The following FRMD3 variants were observed in gnomAD, a reference collection of about 807,000 sequenced individuals.
The protein encoded by FRMD3 is FERM domain containing 3, also known as FERM domain-containing protein 3.
Under a neutral mutation model 70.2 loss-of-function variants are expected in FRMD3, and 33 were observed. The ratio of observed to expected loss-of-function variants is 0.47; its 90% CI spans 0.36 to 0.63. The LOEUF (loss-of-function observed/expected upper bound fraction) is 0.63. Ranked by LOEUF, FRMD3 falls within the 20% of genes least tolerant of loss-of-function variation. The probability of loss-of-function intolerance (pLI) is 0.00; values close to 1 mark genes in which losing one functional copy is unlikely to be tolerated. For synonymous variants in FRMD3, 279 were observed against 255.9 expected (o/e 1.09, Z -0.86); for missense variants, 632 against 711.4 (o/e 0.89, Z 1.27).
At chr9:83,446,628 C>A (rs1454388392) in intron 1 of FRMD3, among the ~76,000 whole-genome samples, 10 of 118,278 alleles carry the variant, frequency 8.5e-5, no homozygotes, top group African/African-American at 3.4e-4. Context: ...GCCTGGGCGA[C>A]AGAGCAAGAC....
chr9:83,370,065 G>A (rs931915221), intron 3 of FRMD3, among the ~76,000 whole-genome samples: 4 of 152,086 alleles, frequency 2.6e-5, no homozygotes, highest in African/African-American at 4.8e-5. Context: ...ATCTTAATAG[G>A]GTCAGAGAGA....
the FRMD3 span, among the ~76,000 whole-genome samples, chr9:83,576,132 C>T: frequency 6.6e-6 from 1 of 151,912 alleles, no homozygotes; most frequent in Non-Finnish European, 1.5e-5. Context: ...CAGTTATAGA[C>T]AAAAAAATCC....
chr9:83,252,444 T>C (rs116584838), intron 13 of FRMD3, among the ~76,000 whole-genome samples: 7,041 of 152,296 alleles, frequency 0.046, 532 homozygotes, highest in African/African-American at 0.16. Flanking sequence ...CTGGTGATAC[T>C]GTGAACCAAC....
At chr9:83,357,591 TA>T (rs1281126616) in intron 3 of FRMD3, among the ~76,000 whole-genome samples, 3 of 151,986 alleles carry the variant, frequency 2.0e-5, no homozygotes, top group Non-Finnish European at 2.9e-5. Flanking sequence ...CAACATTTAT[TA>T]TTTTTTTATT....
intron 3 of FRMD3, 68 bp downstream of exon 3, chr9:83,372,845 T>C: frequency 2.2e-6 from 3 of 1,391,068 alleles, no homozygotes; most frequent in Non-Finnish European, 3.1e-6. Context: ...CAGGAGAAAG[T>C]TTGTCAGGGA....
intron 1 of FRMD3, among the ~76,000 whole-genome samples, chr9:83,509,009 C>A (rs140939674): frequency 5.4e-5 from 8 of 148,412 alleles, no homozygotes; most frequent in Admixed American, 1.3e-4. Context: ...TCCTTCCCCC[C>A]CTCCCCTCCT....
chr9:83,247,433 A>G lies in FRMD3; in HGVS notation c.*485T>C, dbSNP rs2118485119. 1.0e-6 allele frequency: 1 copy of G among 982,056 alleles called. No homozygotes were observed. The highest frequency in any genetic ancestry group is 1.7e-5 in the African/African-American group (1 of 57,242). 60.8% of individuals were successfully genotyped at this position (982,056 alleles called of 1,614,324 possible). ...ACCAAAATAGTTTGAACACATAAAA[A>G]TATTTTTAAAAAAACAGAACCAAAA... is the stretch of plus-strand genomic sequence containing the variant. On this transcript the variant is annotated 3_prime_UTR_variant, in exon 14 of 14. Transcript: ENST00000304195.
chr9:83,497,977 G>A (rs545905588), intron 1 of FRMD3, among the ~76,000 whole-genome samples: 15 of 152,208 alleles, frequency 9.9e-5, no homozygotes, highest in African/African-American at 2.9e-4. Flanking sequence ...GTGAAACTTC[G>A]TCTCTACTAA....
chr9:83,491,724 C>A (rs2131497781), intron 1 of FRMD3, among the ~76,000 whole-genome samples: 1 of 152,306 alleles, frequency 6.6e-6, no homozygotes. Flanking sequence ...TGCCTCCTGA[C>A]CTGACCTCTG....
intron 5 of FRMD3, among the ~76,000 whole-genome samples, chr9:83,342,945 C>T (rs1823822124): frequency 1.3e-5 from 2 of 152,172 alleles, no homozygotes; most frequent in Non-Finnish European, 2.9e-5. Context: ...GACTCTGACT[C>T]ATGGGATCTT....
chr9:83,417,549 A>G lies in FRMD3; in HGVS notation c.148-27841T>C, dbSNP rs140308188. Among the ~76,000 whole-genome samples, 3 of 152,336 alleles carry G rather than the reference A, an allele frequency of 2.0e-5. No individual in the cohort carries two copies. The East Asian group carries it at 5.8e-4, about 29-fold the overall frequency. Reference sequence around the variant, plus strand: ...AAACAGTTCTATAGAGAGTGAAAACAGTGAGTCTGACTTTGCACCCCTTAC... The same window carrying G: ...AAACAGTTCTATAGAGAGTGAAAACGGTGAGTCTGACTTTGCACCCCTTAC... On this transcript the variant is annotated intron_variant, in intron 1 of 13. Coordinates refer to ENST00000304195, the MANE Select transcript of FRMD3 (RefSeq NM_174938.6).
chr9:83,467,129 AAACT>A (rs1266034458), intron 1 of FRMD3, among the ~76,000 whole-genome samples: 1 of 152,228 alleles, frequency 6.6e-6, no homozygotes, highest in Non-Finnish European at 1.5e-5. Context: ...GAAAACCACC[AAACT>A]ATTTGCTATG....
chr9:83,440,541 G>A (rs979312514), intron 1 of FRMD3, among the ~76,000 whole-genome samples: 1 of 152,116 alleles, frequency 6.6e-6, no homozygotes, highest in African/African-American at 2.4e-5. Context: ...AGCCTCCAGG[G>A]CAATATACAA....
intron 6 of FRMD3, among the ~76,000 whole-genome samples, chr9:83,322,883 T>C (rs1170769413): frequency 2.0e-5 from 3 of 152,188 alleles, no homozygotes; most frequent in Non-Finnish European, 4.4e-5. Context: ...TTGAAATATA[T>C]CTACTTATTA....
intron 1 of FRMD3, among the ~76,000 whole-genome samples, chr9:83,405,117 C>G (rs770465254): frequency 6.6e-6 from 1 of 152,136 alleles, no homozygotes; most frequent in African/African-American, 2.4e-5. Context: ...TTCGGGGACC[C>G]CTTGTAGAGG....
At chr9:83,519,309 A>G (rs1296754490) in intron 1 of FRMD3, among the ~76,000 whole-genome samples, 1 of 152,074 alleles carries the variant, frequency 6.6e-6, no homozygotes, top group Non-Finnish European at 1.5e-5. Context: ...AAAACAAACA[A>G]CCCCATCAAA....
rs558929731 is a variant in FRMD3, at chr9:83,456,561, A to G, written c.148-66853T>C. ...ATCTTTTTCCCCACTGCTTTTGCCA[A>G]TGTAATGCACCATGTATTATGTTCA... On this transcript the variant is annotated intron_variant, in intron 1 of 13. Coordinates refer to ENST00000304195, the MANE Select transcript of FRMD3 (RefSeq NM_174938.6). 1.3e-4 allele frequency among the ~76,000 whole-genome samples: 20 copies of G among 152,340 alleles called. No homozygotes were observed. The South Asian group carries it at 2.5e-3, about 19-fold the overall frequency.
chr9:83,363,956 T>A (rs1824705922), intron 3 of FRMD3, among the ~76,000 whole-genome samples: 1 of 152,196 alleles, frequency 6.6e-6, no homozygotes, highest in Non-Finnish European at 1.5e-5. Flanking sequence ...CTCATCCTCA[T>A]CACCTGGATA....
At chr9:83,353,367 T>C (rs1420709247) in intron 3 of FRMD3, among the ~76,000 whole-genome samples, 3 of 152,184 alleles carry the variant, frequency 2.0e-5, no homozygotes, top group African/African-American at 7.2e-5. Flanking sequence ...TTTTATAAAG[T>C]AGTACTGCTA....
Sources: allele counts gnomAD v4.1 joint callset (sites outside exome capture counted in the v4.1 genomes callset), GRCh38; gene constraint gnomAD v4.1.1; transcripts MANE v1.5; gene names NCBI Gene and HGNC (gene_info 2026-07-23, HGNC 2026-07-21).